EXT1: variants seen among roughly 807,000 people sequenced by gnomAD.
EXT1 encodes the protein exostosin-1.
In EXT1, 20 loss-of-function variants were observed where a neutral mutation model predicts 82.5. That is an observed-to-expected ratio of 0.24 (90% CI 0.17 to 0.35). The LOEUF is 0.35. Among genes scored for constraint, EXT1 ranks in the 10% least tolerant of loss-of-function variants. The probability of loss-of-function intolerance (pLI) is 1.00; values close to 1 mark genes in which losing one functional copy is unlikely to be tolerated. For missense variants in EXT1, 757 were observed against 936.5 expected (o/e 0.81, Z 2.50); for synonymous variants, 348 against 350.8 (o/e 0.99, Z 0.09).
chr8:118,041,791 T>C (rs746630564), intron 1 of EXT1, among the ~76,000 whole-genome samples: 9 of 151,694 alleles, frequency 5.9e-5, no homozygotes, highest in Non-Finnish European at 1.0e-4. Context: ...TACTAAAAAA[T>C]ACAAAAATTA....
At chr8:117,868,921 T>C (rs886664202) in intron 1 of EXT1, among the ~76,000 whole-genome samples, 1 of 152,194 alleles carries the variant, frequency 6.6e-6, no homozygotes, top group African/African-American at 2.4e-5. Context: ...TTAATGCTGA[T>C]GTGGAGTAGC....
chr8:117,904,560 T>C (rs1413094637), intron 1 of EXT1, among the ~76,000 whole-genome samples: 2 of 152,206 alleles, frequency 1.3e-5, no homozygotes, highest in Non-Finnish European at 2.9e-5. Flanking sequence ...TAGTTATATA[T>C]GATAAATGCT....
At chr8:117,826,565 T>C (rs1812010866) in intron 4 of EXT1, among the ~76,000 whole-genome samples, 1 of 152,244 alleles carries the variant, frequency 6.6e-6, no homozygotes, top group Non-Finnish European at 1.5e-5. Context: ...TGCTGTGTTA[T>C]TTGTATCTGT....
At position 118,110,661 on chromosome 8, in the gene EXT1, T is replaced by G; in HGVS notation, c.386A>C (p.Glu129Ala). The G allele has an allele frequency of 6.2e-7, 1 of 1,614,180 alleles. No homozygotes were observed. Among genetic ancestry groups the G allele is most frequent in the Non-Finnish European group, 8.5e-7 (1 of 1,180,036 alleles). ...YPQQKGEKIAESYQNILAAIE... is the reference protein window; with the variant it reads ...YPQQKGEKIAASYQNILAAIE... ...GGCCGCTAGAATGTTTTGGTAACTT[T>G]CGGCGATTTTCTCCCCTTTTTGCTG... The change falls in exon 1 of 11, where the codon GAA (glutamate) becomes GCA (alanine). Residue 129 changes from glutamate to alanine, a missense_variant. Glu to Ala is a moderately radical substitution (Grantham distance 107). Around this residue, in one of 4 missense-constraint regions of EXT1, gnomAD observed 247 missense variants for 330.1 expected, o/e 0.75. Coordinates refer to ENST00000378204, the MANE Select transcript of EXT1 (RefSeq NM_000127.3).
chr8:117,823,677 CTAGAT>C (rs1811961260), intron 4 of EXT1, among the ~76,000 whole-genome samples: 2 of 152,092 alleles, frequency 1.3e-5, no homozygotes, highest in Admixed American at 1.3e-4. Context: ...CACATGGTGA[CTAGAT>C]AAGTAATAAA....
At chr8:117,900,217 T>C (rs1813415959) in intron 1 of EXT1, among the ~76,000 whole-genome samples, 1 of 152,184 alleles carries the variant, frequency 6.6e-6, no homozygotes, top group African/African-American at 2.4e-5. Context: ...CTGAGCTGAC[T>C]GATGGTCTGG....
intron 1 of EXT1, among the ~76,000 whole-genome samples, chr8:117,850,505 C>T (rs778206734): frequency 6.6e-5 from 10 of 152,064 alleles, no homozygotes; most frequent in Non-Finnish European, 1.2e-4. Context: ...AATTGGAAAA[C>T]TTTTTTTCCC....
chr8:117,923,207 C>T (rs754293172), intron 1 of EXT1, among the ~76,000 whole-genome samples: 9 of 151,958 alleles, frequency 5.9e-5, no homozygotes, highest in Non-Finnish European at 1.0e-4. Context: ...TCCCTGTAAT[C>T]CCCAGGTAGC....
At chr8:117,974,596 T>A (rs1815028611) in intron 1 of EXT1, among the ~76,000 whole-genome samples, 1 of 152,150 alleles carries the variant, frequency 6.6e-6, no homozygotes, top group Non-Finnish European at 1.5e-5. Flanking sequence ...GCCTCCTAAG[T>A]AGCTGGGACC....
intron 4 of EXT1, among the ~76,000 whole-genome samples, chr8:117,823,190 A>C (rs1234205893): frequency 6.6e-6 from 1 of 152,174 alleles, no homozygotes; most frequent in Non-Finnish European, 1.5e-5. Context: ...TCATCTTGAA[A>C]AGTAGTGAGT....
chr8:117,944,990 G>A (rs547294679), intron 1 of EXT1, among the ~76,000 whole-genome samples: 11 of 151,866 alleles, frequency 7.2e-5, no homozygotes, highest in African/African-American at 1.7e-4. Context: ...GTGAAACCCC[G>A]TCTCTACTAA....
chr8:117,968,526 C>CTTAT (rs1250006319), intron 1 of EXT1, among the ~76,000 whole-genome samples: 2,144 of 36,892 alleles, frequency 0.058, 145 homozygotes, highest in South Asian at 0.15. Context: ...CTTATTCTGC[C>CTTAT]TTATTTATTT....
chr8:117,968,109 C>A, intron 1 of EXT1, among the ~76,000 whole-genome samples: 1 of 152,006 alleles, frequency 6.6e-6, no homozygotes, highest in East Asian at 1.9e-4. Flanking sequence ...ATAAAATTTA[C>A]TTTTTAAAAT....
At chr8:117,988,251 C>T (rs1290016377) in intron 1 of EXT1, among the ~76,000 whole-genome samples, 1 of 152,186 alleles carries the variant, frequency 6.6e-6, no homozygotes, top group African/African-American at 2.4e-5. Context: ...CACTGAGTAG[C>T]ATCACATAAT....
intron 1 of EXT1, among the ~76,000 whole-genome samples, chr8:118,049,344 A>G (rs559629547): frequency 1.2e-4 from 18 of 152,330 alleles, no homozygotes; most frequent in African/African-American, 4.1e-4. Flanking sequence ...AATGTAACCT[A>G]TAAGTGGGTT....
intron 1 of EXT1, among the ~76,000 whole-genome samples, chr8:117,936,745 C>T (rs757383385): frequency 3.0e-4 from 45 of 152,108 alleles, no homozygotes; most frequent in African/African-American, 9.6e-4. Context: ...CGTGGTGGCA[C>T]GCACCTGTAA....
chr8:117,987,647 G>T (rs1158800622), intron 1 of EXT1, among the ~76,000 whole-genome samples: 1 of 152,226 alleles, frequency 6.6e-6, no homozygotes, highest in East Asian at 1.9e-4. Context: ...ATTTTAAAAT[G>T]CTCTATGTTT....
chr8:117,799,590 C>A lies in EXT1; in HGVS notation c.*122G>T. The A allele has an allele frequency of 9.0e-7, 1 of 1,112,476 alleles. No individual in the cohort carries two copies. The highest frequency in any genetic ancestry group is 1.3e-6 in the Non-Finnish European group (1 of 747,490). The allele number at this position is 1,112,476 out of a possible 1,614,324, so 68.9% of individuals were successfully genotyped here. On this transcript the variant is annotated 3_prime_UTR_variant, in exon 11 of 11. Transcript: ENST00000378204. ...GCCTTTTTTTTTTTGTCATTCTGCT[C>A]ATCTAAGTTTTTGGATAGTTGGCAC... is the stretch of plus-strand genomic sequence containing the variant.
intron 1 of EXT1, among the ~76,000 whole-genome samples, chr8:117,985,169 C>T (rs1815291842): frequency 6.6e-6 from 1 of 152,224 alleles, no homozygotes; most frequent in African/African-American, 2.4e-5. Context: ...AGAGCCCATA[C>T]ATACCAAACC....
Sources: allele counts gnomAD v4.1 joint callset (sites outside exome capture counted in the v4.1 genomes callset), GRCh38; gene constraint gnomAD v4.1.1; regional missense constraint gnomAD v4.1.1; transcripts MANE v1.5; gene names NCBI Gene and HGNC (gene_info 2026-07-23, HGNC 2026-07-21).